Variants in VEZT observed in about 807,000 individuals in gnomAD.
The protein encoded by VEZT is vezatin, adherens junctions transmembrane protein.
Under a neutral mutation model 79.9 loss-of-function variants are expected in VEZT, and 39 were observed. The ratio of observed to expected loss-of-function variants is 0.49; its 90% CI spans 0.38 to 0.64. VEZT has a LOEUF of 0.64. VEZT is among the 30% of genes least tolerant of loss of function. The pLI, the probability that VEZT is intolerant of heterozygous loss-of-function variation, is 0.00. For synonymous variants in VEZT, 325 were observed against 327.6 expected, an observed-to-expected ratio of 0.99 and a Z score of 0.09; for missense variants, 837 against 893.1, an observed-to-expected ratio of 0.94 and a Z score of 0.80.
intron 7 of VEZT, among the ~76,000 whole-genome samples, chr12:95,281,826 G>A (rs1403439449): frequency 6.6e-6 from 1 of 151,986 alleles, no homozygotes; most frequent in Non-Finnish European, 1.5e-5. Flanking sequence ...ACTGCGCCTA[G>A]CCCTGGACTG....
At chr12:95,225,788 AAAAAAGAGAG>A (rs2058373585) in intron 1 of VEZT, among the ~76,000 whole-genome samples, 1 of 74,388 alleles carries the variant, frequency 1.3e-5, no homozygotes, top group African/African-American at 6.1e-5. Flanking sequence ...AAAAAAAAAA[AAAAAAGAGAG>A]AGAAGGATGG....
At position 95,294,285 on chromosome 12, in the gene VEZT, A is replaced by G. The variant is rs776162231; in HGVS notation, c.1536A>G (p.Ile512Met). ...RNTDKKGKPE[I>M]ACENPHCTVV... Reference sequence around the variant, plus strand: ...CGTTTTTTAAAGGCAAGCCTGAAATAGCATGTGAAAACCCACATTGTACAG... The same window carrying G: ...CGTTTTTTAAAGGCAAGCCTGAAATGGCATGTGAAAACCCACATTGTACAG... Residue 512 changes from isoleucine (I) to methionine (M), a missense_variant, in exon 10 of 12, where the codon ATA becomes ATG. Transcript: ENST00000436874. 1.3e-6 allele frequency: 2 copies of G among 1,586,994 alleles called. No individual in the cohort carries two copies. Among genetic ancestry groups the G allele is most frequent in the Admixed American group, 1.8e-5 (1 of 55,772 alleles).
rs1198850473 is a variant in VEZT at position 95,224,257 on chromosome 12, A to C, written c.36+6371A>C. 3.3e-5 allele frequency: 15 copies of C among 455,662 alleles called. No individual in the cohort carries two copies. In the Admixed American group the frequency reaches 3.5e-4, roughly 11 times the overall value. 28.2% of individuals were successfully genotyped at this position (455,662 alleles called of 1,614,324 possible). Reference sequence around the variant, plus strand: ...GAGAGGTTTGGGTGTTTCTTGTCTGAATTCTTTCCCTCTACGGCTACTATT... The same window carrying C: ...GAGAGGTTTGGGTGTTTCTTGTCTGCATTCTTTCCCTCTACGGCTACTATT... On this transcript the variant is annotated intron_variant, in intron 1 of 11. Transcript: ENST00000436874.
intron 4 of VEZT, among the ~76,000 whole-genome samples, chr12:95,264,000 T>G (rs1247690929): frequency 1.3e-5 from 2 of 152,208 alleles, no homozygotes; most frequent in African/African-American, 4.8e-5. Context: ...TGATGTCTTC[T>G]TCCTGTTAAA....
intron 2 of VEZT, among the ~76,000 whole-genome samples, chr12:95,252,803 A>G (rs965416265): frequency 2.0e-5 from 3 of 152,146 alleles, no homozygotes; most frequent in South Asian, 4.1e-4. Flanking sequence ...TGTCTCTACT[A>G]AAAATGGAAA....
intron 1 of VEZT, among the ~76,000 whole-genome samples, chr12:95,243,472 C>A (rs1289931395): frequency 6.6e-6 from 1 of 152,098 alleles, no homozygotes; most frequent in Non-Finnish European, 1.5e-5. Flanking sequence ...CACCCTCCCC[C>A]ATCTTTTTTC....
chr12:95,293,980 C>T lies in VEZT; in HGVS notation c.1523-292C>T, dbSNP rs11107966. On this transcript the variant is annotated intron_variant, in intron 9 of 11. Transcript: ENST00000436874. ...CACTGCTCACTGTAGTCTTGATCTCCCCAGCTCAAGCGATCCTTCCACCTC... is the reference window on the plus strand; with the variant it reads ...CACTGCTCACTGTAGTCTTGATCTCTCCAGCTCAAGCGATCCTTCCACCTC... 77 of 329,438 alleles carry T rather than the reference C, an allele frequency of 2.3e-4. No individual in the cohort carries two copies. In the East Asian group the frequency reaches 5.7e-3, roughly 24 times the overall value. The allele number at this position is 329,438 out of a possible 1,614,324, so 20.4% of individuals were successfully genotyped here. A position where few individuals can be genotyped will look rare whatever the true frequency, so the allele number is the denominator to read the frequency against.
At chr12:95,253,441 C>T (rs116592197) in intron 2 of VEZT, among the ~76,000 whole-genome samples, 42 of 152,268 alleles carry the variant, frequency 2.8e-4, no homozygotes, top group African/African-American at 1.0e-3. Context: ...GGATCAGAAC[C>T]AGTTTTCCTA....
chr12:95,266,444 G>A lies in VEZT; in HGVS notation c.522G>A (p.Val174=). 6.2e-7 allele frequency: 1 copy of A among 1,613,874 alleles called. No homozygotes were observed. The highest frequency in any genetic ancestry group is 8.5e-7 in the Non-Finnish European group (1 of 1,179,878). The change falls in exon 5 of 12, where the codon GTG becomes GTA. Residue 174 remains valine (V), a synonymous_variant. Transcript: ENST00000436874. ...TGTCTTCCTGGCTGGTATGGGGAGT[G>A]ATTCTATTTGTGTATCTGGTCATAA... ...WIVSSWLVWG[V]ILFVYLVIRA... is the part of the protein sequence containing the mutation.
intron 6 of VEZT, among the ~76,000 whole-genome samples, chr12:95,271,454 G>T (rs1190038908): frequency 6.6e-6 from 1 of 152,148 alleles, no homozygotes. Context: ...AACATACTTG[G>T]TTTATGGAGT....
chr12:95,217,993 C>T lies in VEZT; in HGVS notation c.36+107C>T, dbSNP rs1470268386. Reference sequence around the variant, plus strand: ...GGGCGAGGGATCGGGTGACGCGCTCCAGCTGGCCTCGACCACCGAACCCCA... The same window carrying T: ...GGGCGAGGGATCGGGTGACGCGCTCTAGCTGGCCTCGACCACCGAACCCCA... On this transcript the variant is annotated intron_variant, in intron 1 of 11. Coordinates refer to ENST00000436874, the MANE Select transcript of VEZT (RefSeq NM_017599.4). 10 of 1,224,588 alleles carry T rather than the reference C, an allele frequency of 8.2e-6. No homozygotes were observed. In the East Asian group the frequency reaches 2.6e-4, roughly 32 times the overall value. The allele number at this position is 1,224,588 out of a possible 1,614,324, so 75.9% of individuals were successfully genotyped here.
At chr12:95,279,965 T>G (rs190969303) in intron 7 of VEZT, among the ~76,000 whole-genome samples, 2 of 152,298 alleles carry the variant, frequency 1.3e-5, no homozygotes, top group East Asian at 3.9e-4. Context: ...GGAATCATCC[T>G]TGTTAACTCT....
chr12:95,242,738 T>G (rs921332193), intron 1 of VEZT, among the ~76,000 whole-genome samples: 3 of 152,084 alleles, frequency 2.0e-5, no homozygotes, highest in Non-Finnish European at 4.4e-5. Flanking sequence ...CTGGGCGTGG[T>G]GGCTGGCTCC....
chr12:95,280,439 TTCTG>T (rs986159167), intron 7 of VEZT, among the ~76,000 whole-genome samples: 1 of 144,946 alleles, frequency 6.9e-6, no homozygotes, highest in Non-Finnish European at 1.5e-5. Context: ...CCTTCGCGCT[TTCTG>T]TCTCTCTCCC....
At chr12:95,249,192 A>C (rs1301469780) in intron 1 of VEZT, among the ~76,000 whole-genome samples, 21 of 152,198 alleles carry the variant, frequency 1.4e-4, no homozygotes, top group Admixed American at 1.4e-3. Context: ...TTTACCGAAA[A>C]AGGCTGCTGA....
chr12:95,220,815 G>A (rs1194359375), intron 1 of VEZT, among the ~76,000 whole-genome samples: 1 of 152,078 alleles, frequency 6.6e-6, no homozygotes, highest in Non-Finnish European at 1.5e-5. Context: ...GAACCTTTTT[G>A]TATGTGTTTG....
In VEZT at chr12:95,289,089, A is replaced by AAAAAAAAT. The variant is rs1555292132; in HGVS notation, c.1522+1235_1522+1236insAAAATAAA. Among the ~76,000 whole-genome samples, 78 of 101,718 alleles carry AAAAAAAAT rather than the reference A, an allele frequency of 7.7e-4. 1 individual carries two copies. Among genetic ancestry groups the AAAAAAAAT allele is most frequent in the East Asian group, 7.4e-3 (25 of 3,374 alleles). The allele number at this position is 101,718 out of a possible 152,430, so 66.7% of individuals were successfully genotyped here. The stretch of plus-strand genomic sequence containing the variant: ...AGAGCGAGACTCCGTCTCAAAAAAA[A>AAAAAAAAT]AAATAAATAAATAAATAAATAAATA... On this transcript the variant is annotated intron_variant, in intron 9 of 11. Transcript: ENST00000436874.
chr12:95,225,761 CAAAAAAAAAAAAAA>C lies in VEZT; in HGVS notation c.36+7894_36+7907del, dbSNP rs531470163. 1.6e-3 allele frequency among the ~76,000 whole-genome samples: 64 copies of C among 40,872 alleles called. No individual in the cohort carries two copies. The South Asian group carries it at 0.017, about 11-fold the overall frequency. The allele number at this position is 40,872 out of a possible 152,430, so 26.8% of individuals were successfully genotyped here. ...TTGCCTCCACAGCTTTGTTTCATAG[CAAAAAAAAAAAAAA>C]AAAAAAAAAAAAAAAAAAGAGAGAG... On this transcript the variant is annotated intron_variant, in intron 1 of 11. Coordinates refer to ENST00000436874, the MANE Select transcript of VEZT (RefSeq NM_017599.4).
In VEZT at chr12:95,228,102, C is replaced by T. The variant is rs1169091825; in HGVS notation, c.36+10216C>T. Among the ~76,000 whole-genome samples the T allele has an allele frequency of 5.3e-5, 8 of 152,086 alleles. No homozygotes were observed. The East Asian group carries it at 1.5e-3, about 29-fold the overall frequency. ...CATTTTGTCATGATTTCTTTTTCTC[C>T]TACTTCTTTCATACTTCTGTGTAAG... On this transcript the variant is annotated intron_variant, in intron 1 of 11. Transcript: ENST00000436874.
Sources: gnomAD v4.1 joint callset for allele counts (sites outside exome capture counted in the v4.1 genomes callset) on GRCh38, gnomAD v4.1.1 for gene constraint, MANE v1.5 for transcripts, NCBI Gene and HGNC (gene_info 2026-07-23, HGNC 2026-07-21) for gene names.